Variants in GRHL1 observed in about 807,000 individuals in gnomAD.
GRHL1 encodes grainyhead-like protein 1 homolog.
Under a neutral mutation model 75.7 loss-of-function variants are expected in GRHL1, and 38 were observed. The observed-to-expected ratio is 0.50, with a 90% CI of 0.39 to 0.66. The LOEUF is 0.66. Among genes scored for constraint, GRHL1 ranks in the 30% least tolerant of loss-of-function variants. The pLI, the probability that GRHL1 is intolerant of heterozygous loss-of-function variation, is 0.00. For missense variants in GRHL1, 589 were observed against 767.5 expected (o/e 0.77, Z 2.75); for synonymous variants, 266 against 279.4 (o/e 0.95, Z 0.48).
intron 15 of GRHL1, among the ~76,000 whole-genome samples, chr2:9,999,500 G>T (rs534247873): frequency 6.6e-6 from 1 of 152,194 alleles, no homozygotes; most frequent in Admixed American, 6.5e-5. Context: ...TGGTCTTCAC[G>T]TCTTCTTTCT....
chr2:9,958,341 G>A (rs1004385549), intron 2 of GRHL1, among the ~76,000 whole-genome samples: 1 of 151,916 alleles, frequency 6.6e-6, no homozygotes, highest in African/African-American at 2.4e-5. Context: ...ACCACGCCTG[G>A]CTAATTTTAA....
At chr2:9,957,640 AC>A (rs1023334532) in intron 2 of GRHL1, among the ~76,000 whole-genome samples, 65 of 151,734 alleles carry the variant, frequency 4.3e-4, no homozygotes, top group African/African-American at 1.6e-3. Flanking sequence ...CGATCTCTTG[AC>A]CTTGTGATCC....
In GRHL1 at chr2:9,996,303, G is replaced by A; in HGVS notation, c.1592-13G>A. On this transcript the variant is annotated splice_polypyrimidine_tract_variant and intron_variant, in intron 13 of 15. Coordinates refer to ENST00000324907, the MANE Select transcript of GRHL1 (RefSeq NM_198182.3). ...TCTTTTCCCTTCCTTATTCCTGGTTGGGGATTGATTAGTGCTGCTCTACGT... is the reference window on the plus strand; with the variant it reads ...TCTTTTCCCTTCCTTATTCCTGGTTAGGGATTGATTAGTGCTGCTCTACGT... 6.3e-7 allele frequency: 1 copy of A among 1,585,460 alleles called. No homozygotes were observed. Among genetic ancestry groups the A allele is most frequent in the Non-Finnish European group, 8.7e-7 (1 of 1,154,006 alleles).
chr2:9,981,569 C>A (rs1668199029), intron 8 of GRHL1, among the ~76,000 whole-genome samples: 1 of 152,240 alleles, frequency 6.6e-6, no homozygotes, highest in Admixed American at 6.5e-5. Flanking sequence ...ATATCCGTGG[C>A]TGCTTTTACA....
At chr2:9,966,069 T>C (rs938974417) in intron 8 of GRHL1, 4 of 152,250 alleles carry the variant, frequency 2.6e-5, no homozygotes, top group African/African-American at 9.7e-5. Flanking sequence ...TATTTCTTTC[T>C]TTCTTTGGAT....
intron 2 of GRHL1, among the ~76,000 whole-genome samples, chr2:9,957,804 G>A (rs1051131421): frequency 6.6e-6 from 1 of 152,156 alleles, no homozygotes; most frequent in Admixed American, 6.5e-5. Flanking sequence ...TTTGGAGTGC[G>A]CAATGGGGTT....
rs573238508 is a variant in GRHL1, at chr2:9,992,067, A to G, written c.1382A>G (p.Lys461Arg). ...SHKRMDITVF[K>R]PFIDLDTQPV... The stretch of plus-strand genomic sequence containing the variant: ...AAGCGAATGGATATCACAGTTTTCA[A>G]ACCCTTCATTGATCTCGATACTCAG... Residue 461 changes from lysine to arginine, a missense_variant, in exon 11 of 16, where the codon AAA (lysine) becomes AGA (arginine). Lys to Arg is a conservative substitution (Grantham distance 26). Around this residue, in one of 5 missense-constraint regions of GRHL1, gnomAD observed 192 missense variants for 226.6 expected, o/e 0.85. Coordinates refer to ENST00000324907, the MANE Select transcript of GRHL1 (RefSeq NM_198182.3). This position sits in a 1 kb window ranked among gnomAD's most constrained non-coding sequence, Gnocchi z 4.6. 98 of 1,613,524 alleles carry G rather than the reference A, an allele frequency of 6.1e-5. No homozygotes were observed. In the East Asian group the frequency reaches 2.1e-3, roughly 35 times the overall value.
chr2:9,962,912 A>T (rs13424292), intron 5 of GRHL1, among the ~76,000 whole-genome samples: 33,289 of 150,906 alleles, frequency 0.22, 3,829 homozygotes, highest in African/African-American at 0.26. Context: ...TTTTTTTTTT[A>T]AAATCAGCCT....
rs188405439 is a variant in GRHL1 at position 9,984,196 on chromosome 2, C to G, written c.1111-1928C>G. ...AAAGTTACTATAGCTGCCCCCCAACCCCATTATAACTTAAATTTTTCCCCA... is the reference window on the plus strand; with the variant it reads ...AAAGTTACTATAGCTGCCCCCCAACGCCATTATAACTTAAATTTTTCCCCA... On this transcript the variant is annotated intron_variant, in intron 8 of 15. Transcript: ENST00000324907. 7.9e-5 allele frequency among the ~76,000 whole-genome samples: 12 copies of G among 152,176 alleles called. No individual in the cohort carries two copies. The East Asian group carries it at 2.3e-3, about 29-fold the overall frequency.
chr2:9,958,942 A>G, intron 3 of GRHL1, 86 bp downstream of exon 3: 2 of 1,550,764 alleles, frequency 1.3e-6, no homozygotes, highest in East Asian at 2.3e-5. Context: ...GTTTAAATGA[A>G]CAACCACTAG....
chr2:9,999,926 G>A (rs1299086693), intron 15 of GRHL1, among the ~76,000 whole-genome samples: 4 of 152,190 alleles, frequency 2.6e-5, no homozygotes, highest in Admixed American at 6.5e-5. Flanking sequence ...ACTTGCTGGA[G>A]TGTGTAATTT....
rs187820677 is a variant in GRHL1, at chr2:9,982,895, A to G, written c.1111-3229A>G. On this transcript the variant is annotated intron_variant, in intron 8 of 15. Transcript: ENST00000324907. Reference sequence around the variant, plus strand: ...TATAGGATTCATCCTTTGTCAATATAAGTATATAATCATAGACGTCCAGAG... The same window carrying G: ...TATAGGATTCATCCTTTGTCAATATGAGTATATAATCATAGACGTCCAGAG... Among the ~76,000 whole-genome samples, 22 of 152,352 alleles carry G rather than the reference A, an allele frequency of 1.4e-4. No individual in the cohort carries two copies. In the East Asian group the frequency reaches 4.2e-3, roughly 29 times the overall value.
intron 8 of GRHL1, among the ~76,000 whole-genome samples, chr2:9,978,895 G>T (rs1040306277): frequency 6.6e-6 from 1 of 152,066 alleles, no homozygotes; most frequent in African/African-American, 2.4e-5. Context: ...GGAGGCTGAG[G>T]CAGGAGAATC....
In GRHL1 at chr2:10,000,821, G is replaced by A; in HGVS notation, c.*114G>A. On this transcript the variant is annotated 3_prime_UTR_variant, in exon 16 of 16. Transcript: ENST00000324907. ...TGTCGCCAGCACAGGTCTATGTCGA[G>A]GGAATGGGTTCCTTGCAGGTTGGAG... 3.3e-6 allele frequency: 2 copies of A among 598,532 alleles called. No homozygotes were observed. Among genetic ancestry groups the A allele is most frequent in the Non-Finnish European group, 6.0e-6 (2 of 332,888 alleles). The allele number at this position is 598,532 out of a possible 1,614,324, so 37.1% of individuals were successfully genotyped here.
intron 15 of GRHL1, 90 bp downstream of exon 15, chr2:9,999,119 C>G: frequency 2.1e-6 from 1 of 474,838 alleles, no homozygotes; most frequent in Non-Finnish European, 3.8e-6. Context: ...TGTTGACACC[C>G]CCCAGCACCA....
intron 8 of GRHL1, among the ~76,000 whole-genome samples, chr2:9,980,959 G>A (rs1258065495): frequency 4.6e-5 from 7 of 152,210 alleles, no homozygotes; most frequent in Non-Finnish European, 7.3e-5. Context: ...GGAATGGTCC[G>A]AGCCTGGTTT....
chr2:9,970,054 AG>A (rs1468058651), intron 8 of GRHL1, among the ~76,000 whole-genome samples: 10 of 152,146 alleles, frequency 6.6e-5, no homozygotes, highest in Middle Eastern at 3.2e-3. Context: ...CGTGTTAGCC[AG>A]GATGGTCTCG....
At chr2:9,989,285 C>T (rs1222312581) in intron 9 of GRHL1, among the ~76,000 whole-genome samples, 1 of 152,128 alleles carries the variant, frequency 6.6e-6, no homozygotes, top group South Asian at 2.1e-4. Context: ...ATTTATTTAA[C>T]AGAAAAATAA....
At chr2:9,972,856 G>A (rs140277410) in intron 8 of GRHL1, among the ~76,000 whole-genome samples, 1 of 152,208 alleles carries the variant, frequency 6.6e-6, no homozygotes, top group African/African-American at 2.4e-5. Context: ...ACCGTGTGCA[G>A]GTACCTCCAG....
Sources: allele counts gnomAD v4.1 joint callset (sites outside exome capture counted in the v4.1 genomes callset), GRCh38; gene constraint gnomAD v4.1.1; regional missense constraint gnomAD v4.1.1; non-coding constraint Gnocchi (gnomAD v3.1); transcripts MANE v1.5; gene names NCBI Gene and HGNC (gene_info 2026-07-23, HGNC 2026-07-21).